Variants in ANK2 observed in about 807,000 individuals in gnomAD.
ANK2 encodes ankyrin-2.
A neutral mutation model predicts 360.5 loss-of-function variants in ANK2; 83 were observed. The ratio of observed to expected loss-of-function variants is 0.23; its 90% CI spans 0.19 to 0.28. ANK2 has a LOEUF of 0.28. ANK2 is among the 10% of genes least tolerant of loss of function. The pLI is 1.00. For missense variants in ANK2, 4,201 were observed against 4,795.7 expected, an observed-to-expected ratio of 0.88 and a Z score of 3.66; for synonymous variants, 1,740 against 1,759.5, an observed-to-expected ratio of 0.99 and a Z score of 0.28.
intron 2 of ANK2, among the ~76,000 whole-genome samples, chr4:113,005,251 G>C (rs1404513605): frequency 6.7e-6 from 1 of 150,278 alleles, no homozygotes; most frequent in African/African-American, 2.5e-5. Context: ...GTATCCAAAG[G>C]AAAAAAAAAT....
At chr4:112,982,737 A>G (rs1257747806) in intron 2 of ANK2, among the ~76,000 whole-genome samples, 1 of 152,196 alleles carries the variant, frequency 6.6e-6, no homozygotes, top group Non-Finnish European at 1.5e-5. Flanking sequence ...TAGATAGGGA[A>G]AAATGACATA....
chr4:113,042,732 C>A (rs1396331189), intron 2 of ANK2, among the ~76,000 whole-genome samples: 2 of 152,148 alleles, frequency 1.3e-5, no homozygotes, highest in Non-Finnish European at 2.9e-5. Flanking sequence ...GTCTTTTCCA[C>A]CAGAGGGCAT....
intron 26 of ANK2, among the ~76,000 whole-genome samples, chr4:113,322,976 A>G (rs1426114164): frequency 6.6e-6 from 1 of 152,136 alleles, no homozygotes; most frequent in Non-Finnish European, 1.5e-5. Context: ...TAGCAAAACA[A>G]GTGTTTAGTA....
rs1291291676 is a variant in ANK2, at chr4:113,191,257, C to T, written c.187-5111C>T. Among the ~76,000 whole-genome samples the T allele has an allele frequency of 2.6e-5, 4 of 152,046 alleles. 1 individual carries two copies. Among genetic ancestry groups the T allele is most frequent in the South Asian group, 4.1e-4 (2 of 4,830 alleles). ...ACTCGGGAGACGGAGGCAGGAGAAT[C>T]GCTTGAACCTGGGAGGCGGAGGTTG... On this transcript the variant is annotated intron_variant, in intron 2 of 45. Transcript: ENST00000357077.
At chr4:112,745,753 G>A in the ANK2 span, among the ~76,000 whole-genome samples, 1 of 151,890 alleles carries the variant, frequency 6.6e-6, no homozygotes, top group Non-Finnish European at 1.5e-5. Flanking sequence ...GGCTGGTCTC[G>A]AACTCCTGAC....
chr4:113,265,740 C>A (rs1049345857), intron 14 of ANK2, among the ~76,000 whole-genome samples: 46 of 152,084 alleles, frequency 3.0e-4, no homozygotes, highest in African/African-American at 9.7e-4. Context: ...CTTCTATTTC[C>A]TTTTCCATGT....
At chr4:113,215,296 C>T (rs899844466) in intron 4 of ANK2, among the ~76,000 whole-genome samples, 2 of 152,064 alleles carry the variant, frequency 1.3e-5, no homozygotes, top group African/African-American at 4.8e-5. Context: ...CATTCCCCAT[C>T]TGTAAAGAAG....
Position 113,335,711 on chromosome 4 carries a change from A to G in ANK2, c.3380-135A>G, listed in dbSNP as rs1013984848. The G allele has an allele frequency of 3.2e-5, 29 of 918,372 alleles. No homozygotes were observed. The African/African-American group carries it at 4.4e-4, about 14-fold the overall frequency. The allele number at this position is 918,372 out of a possible 1,614,324, so 56.9% of individuals were successfully genotyped here. A position where few individuals can be genotyped will look rare whatever the true frequency, so the allele number is the denominator to read the frequency against. On this transcript the variant is annotated intron_variant, in intron 29 of 45. Coordinates refer to ENST00000357077, the MANE Select transcript of ANK2 (RefSeq NM_001148.6). ...TGTTAGGATAGCCTTGCTTTTTAAA[A>G]TTGTCCTGTTGTTTCAAAAAAATGT...
intron 1 of ANK2, among the ~76,000 whole-genome samples, chr4:113,169,620 C>T (rs900829925): frequency 5.9e-5 from 9 of 152,138 alleles, no homozygotes; most frequent in African/African-American, 2.2e-4. Flanking sequence ...TTCAGTGTCA[C>T]TCTTTTAAGG....
At chr4:113,104,870 C>T (rs111245130) in intron 1 of ANK2, among the ~76,000 whole-genome samples, 13 of 151,958 alleles carry the variant, frequency 8.6e-5, no homozygotes, top group African/African-American at 2.7e-4. Context: ...CAATGAAGAA[C>T]ATAATTTAGG....
At chr4:113,234,184 C>T (rs1404490286) in intron 5 of ANK2, among the ~76,000 whole-genome samples, 1 of 152,150 alleles carries the variant, frequency 6.6e-6, no homozygotes, top group African/African-American at 2.4e-5. Flanking sequence ...GCTCCTGGCT[C>T]TTTTGGTCAA....
chr4:112,837,594 C>T (rs1037450065), intron 1 of ANK2, among the ~76,000 whole-genome samples: 1 of 152,238 alleles, frequency 6.6e-6, no homozygotes, highest in Admixed American at 6.5e-5. Context: ...AAAGCAGCCT[C>T]AGGGGCTGTA....
intron 2 of ANK2, among the ~76,000 whole-genome samples, chr4:112,990,326 TC>T (rs2046330469): frequency 6.6e-6 from 1 of 151,958 alleles, no homozygotes; most frequent in Non-Finnish European, 1.5e-5. Flanking sequence ...TAACTTGGAG[TC>T]CGTTAAAAGG....
chr4:112,918,973 AT>A (rs569236980), intron 2 of ANK2, among the ~76,000 whole-genome samples: 307 of 152,260 alleles, frequency 2.0e-3, no homozygotes, highest in African/African-American at 7.0e-3. Context: ...TTGACCCCTG[AT>A]TACTTCTGCT....
chr4:112,707,941 G>C, the ANK2 span, among the ~76,000 whole-genome samples: 1 of 152,158 alleles, frequency 6.6e-6, no homozygotes, highest in Non-Finnish European at 1.5e-5. Context: ...CTCTGTTCAG[G>C]CTTTCATTTA....
intron 1 of ANK2, among the ~76,000 whole-genome samples, chr4:113,058,699 A>G (rs1318750284): frequency 2.0e-5 from 3 of 152,080 alleles, no homozygotes; most frequent in African/African-American, 7.2e-5. Flanking sequence ...AGGGGTGGCA[A>G]TACACCCAAT....
At chr4:112,777,618 CTTTT>C in the ANK2 span, among the ~76,000 whole-genome samples, 1 of 128,324 alleles carries the variant, frequency 7.8e-6, no homozygotes. Context: ...CATCTATAAT[CTTTT>C]TTTTTTTTTT....
Position 113,133,556 on chromosome 4 carries a change from C to T in ANK2, c.85-40860C>T, listed in dbSNP as rs571517177. Among the ~76,000 whole-genome samples, 144 of 152,062 alleles carry T rather than the reference C, an allele frequency of 9.5e-4. 4 individuals carry two copies. The South Asian group carries it at 0.029, about 30-fold the overall frequency. ...TTTTCGCTAAACCATGCTATACTACCACGTAATGTCTGATTTGTAGTATTT... is the reference window on the plus strand; with the variant it reads ...TTTTCGCTAAACCATGCTATACTACTACGTAATGTCTGATTTGTAGTATTT... On this transcript the variant is annotated intron_variant, in intron 1 of 45. Transcript: ENST00000357077.
chr4:112,951,014 G>A (rs992302536), intron 2 of ANK2, among the ~76,000 whole-genome samples: 1 of 146,868 alleles, frequency 6.8e-6, no homozygotes, highest in Non-Finnish European at 1.5e-5. Context: ...CCCGGGAGGC[G>A]GAGCTTGCAG....
Sources: allele counts gnomAD v4.1 joint callset (sites outside exome capture counted in the v4.1 genomes callset), GRCh38; gene constraint gnomAD v4.1.1; transcripts MANE v1.5; gene names NCBI Gene and HGNC (gene_info 2026-07-23, HGNC 2026-07-21).